The following CEP85L variants were observed in gnomAD, a reference collection of about 807,000 sequenced individuals.
The protein encoded by CEP85L is centrosomal protein 85L, also known as centrosomal protein of 85 kDa-like.
CEP85L carries 60 observed loss-of-function variants against 100.3 expected under a neutral mutation model. The observed-to-expected ratio is 0.60, with a 90% CI of 0.49 to 0.74. The LOEUF is 0.74. Among genes scored for constraint, CEP85L ranks in the 30% least tolerant of loss-of-function variants. CEP85L has a pLI of 0.00. For missense variants in CEP85L, 973 were observed against 936.2 expected (o/e 1.04, Z -0.51); for synonymous variants, 319 against 322.7 (o/e 0.99, Z 0.12).
At chr6:118,697,626 T>C (rs1312638325) in intron 1 of CEP85L, among the ~76,000 whole-genome samples, 1 of 152,164 alleles carries the variant, frequency 6.6e-6, no homozygotes, top group Non-Finnish European at 1.5e-5. Flanking sequence ...TAACTGGTAA[T>C]GGAGAACTAT....
At chr6:118,522,688 G>T (rs1776733878) in intron 4 of CEP85L, among the ~76,000 whole-genome samples, 1 of 152,038 alleles carries the variant, frequency 6.6e-6, no homozygotes, top group Admixed American at 6.6e-5. Flanking sequence ...GACAATACTG[G>T]CCAACACGGC....
intron 1 of CEP85L, among the ~76,000 whole-genome samples, chr6:118,696,521 C>T (rs952037758): frequency 3.9e-5 from 6 of 152,134 alleles, no homozygotes; most frequent in African/African-American, 1.4e-4. Context: ...GATGAAAGGT[C>T]CATATTGTTG....
chr6:118,669,097 C>T (rs968442877), intron 1 of CEP85L, among the ~76,000 whole-genome samples: 1 of 152,238 alleles, frequency 6.6e-6, no homozygotes. Context: ...TATAGAATAT[C>T]CAGTCAAGCT....
At chr6:118,575,511 A>G (rs770078716) in intron 2 of CEP85L, among the ~76,000 whole-genome samples, 6 of 152,210 alleles carry the variant, frequency 3.9e-5, no homozygotes, top group Non-Finnish European at 8.8e-5. Context: ...TACAGGAGAC[A>G]AGCCAGAAAC....
chr6:118,528,260 CA>C (rs56876956), intron 3 of CEP85L, among the ~76,000 whole-genome samples: 4,084 of 149,096 alleles, frequency 0.027, 189 homozygotes, highest in African/African-American at 0.095. Flanking sequence ...AAAGATTAAA[CA>C]GAAGGAACAA....
At chr6:118,477,115 T>C (rs1773443798) in intron 10 of CEP85L, among the ~76,000 whole-genome samples, 1 of 152,026 alleles carries the variant, frequency 6.6e-6, no homozygotes, top group Non-Finnish European at 1.5e-5. Context: ...AAAAAACCTA[T>C]AGGAGAAGCA....
intron 6 of CEP85L, chr6:118,491,461 T>G: frequency 1.6e-6 from 2 of 1,259,676 alleles, no homozygotes; most frequent in Non-Finnish European, 2.0e-6. Flanking sequence ...TTTTAAAGAT[T>G]TTACTATTTG....
chr6:118,686,800 C>A (rs569786985), intron 1 of CEP85L, among the ~76,000 whole-genome samples: 1 of 152,224 alleles, frequency 6.6e-6, no homozygotes, highest in Admixed American at 6.5e-5. Flanking sequence ...TTCTAGGATC[C>A]AAAACTTCAC....
intron 1 of CEP85L, among the ~76,000 whole-genome samples, chr6:118,682,771 GCACACACACACACACACACA>G (rs201043236): frequency 7.2e-6 from 1 of 138,174 alleles, no homozygotes; most frequent in Non-Finnish European, 1.6e-5. Flanking sequence ...GCCTGAGCAT[GCACACACACACACACACACA>G]CACACACACA....
intron 3 of CEP85L, among the ~76,000 whole-genome samples, chr6:118,544,016 A>T (rs1269636688): frequency 6.6e-6 from 1 of 152,228 alleles, no homozygotes; most frequent in Non-Finnish European, 1.5e-5. Flanking sequence ...CTGGCAGAAG[A>T]CAGAAAAGGT....
At chr6:118,473,632 A>G (rs1056535241) in intron 10 of CEP85L, among the ~76,000 whole-genome samples, 7 of 152,164 alleles carry the variant, frequency 4.6e-5, no homozygotes, top group Admixed American at 4.6e-4. Context: ...TTTTTGTTCA[A>G]AAGGATCACT....
At chr6:118,560,840 A>C (rs1779184385) in intron 3 of CEP85L, 1 of 152,898 alleles carries the variant, frequency 6.5e-6, no homozygotes, top group Non-Finnish European at 1.5e-5. Context: ...ATTTAAGTTG[A>C]CTAAAGTTTA....
intron 6 of CEP85L, 41 bp downstream of exon 6, chr6:118,491,645 A>C: frequency 6.3e-7 from 1 of 1,588,698 alleles, no homozygotes; most frequent in Non-Finnish European, 8.6e-7. Context: ...TATGCTGAGG[A>C]AATGTTGTTG....
chr6:118,606,126 AT>A (rs1484928686), intron 2 of CEP85L, among the ~76,000 whole-genome samples: 1 of 152,210 alleles, frequency 6.6e-6, no homozygotes, highest in Non-Finnish European at 1.5e-5. Flanking sequence ...AGAGAAAAAA[AT>A]AAAGGCCTGT....
chr6:118,649,977 T>C (rs1288821756), intron 1 of CEP85L, among the ~76,000 whole-genome samples: 5 of 152,216 alleles, frequency 3.3e-5, no homozygotes, highest in Non-Finnish European at 5.9e-5. Flanking sequence ...GAAATTTCAA[T>C]AGCCTGATAC....
rs561885381 is a variant in CEP85L, at chr6:118,678,617, T to G, written c.-27-25809A>C. 4.7e-4 allele frequency among the ~76,000 whole-genome samples: 72 copies of G among 152,360 alleles called. No homozygotes were observed. The Middle Eastern group carries it at 0.014, about 29-fold the overall frequency. ...GTGAACTCTGTGCAACAAATGCTGC[T>G]ACTATATAAATCATTGCTTTATCCT... On this transcript the variant is annotated intron_variant, in intron 1 of 13. Transcript: ENST00000368488.
chr6:118,587,636 T>C (rs1253440679), intron 2 of CEP85L, among the ~76,000 whole-genome samples: 1 of 152,072 alleles, frequency 6.6e-6, no homozygotes, highest in African/African-American at 2.4e-5. Flanking sequence ...TTCCAGACCC[T>C]TGTATGATGT....
At chr6:118,680,233 C>T (rs1406630559) in intron 1 of CEP85L, among the ~76,000 whole-genome samples, 1 of 139,222 alleles carries the variant, frequency 7.2e-6, no homozygotes, top group Non-Finnish European at 1.5e-5. Flanking sequence ...GACAAAGTTG[C>T]AGTGAGCCCT....
intron 1 of CEP85L, among the ~76,000 whole-genome samples, chr6:118,662,656 A>T (rs1380757759): frequency 6.6e-6 from 1 of 152,246 alleles, no homozygotes; most frequent in African/African-American, 2.4e-5. Flanking sequence ...ATTCAAAGAC[A>T]GTTCCACCTG....
Sources: allele counts gnomAD v4.1 joint callset (sites outside exome capture counted in the v4.1 genomes callset), GRCh38; gene constraint gnomAD v4.1.1; transcripts MANE v1.5; gene names NCBI Gene and HGNC (gene_info 2026-07-23, HGNC 2026-07-21).